STOX2: variants seen among roughly 807,000 people sequenced by gnomAD.
The protein encoded by STOX2 is storkhead box 2, also known as storkhead-box protein 2.
Under a neutral mutation model 60.9 loss-of-function variants are expected in STOX2, and 28 were observed. That is an observed-to-expected ratio of 0.46 (90% CI 0.34 to 0.63). The LOEUF is 0.63. Ranked by LOEUF, STOX2 falls within the 30% of genes least tolerant of loss-of-function variation. The pLI, the probability that STOX2 is intolerant of heterozygous loss-of-function variation, is 0.01. For synonymous variants in STOX2, 472 were observed against 463.9 expected, an observed-to-expected ratio of 1.02 and a Z score of -0.22; for missense variants, 1,024 against 1,187.7, an observed-to-expected ratio of 0.86 and a Z score of 2.03.
rs1734632090 is a variant in STOX2 at position 184,022,602 on chromosome 4, G to A, written c.*5318G>A. ...AGTCAGGCAGCGATGATTCTGGAAG[G>A]TTGGAAATGTAAGGTTAGAAGCTTG... On this transcript the variant is annotated 3_prime_UTR_variant, in exon 4 of 4. Coordinates refer to ENST00000308497, the MANE Select transcript of STOX2 (RefSeq NM_020225.3). 1 of 152,116 alleles carries A rather than the reference G, an allele frequency of 6.6e-6. No individual in the cohort carries two copies. The allele number at this position is 152,116 out of a possible 1,614,324, so 9.4% of individuals were successfully genotyped here. A position where few individuals can be genotyped will look rare whatever the true frequency, so the allele number is the denominator to read the frequency against.
intron 1 of STOX2, among the ~76,000 whole-genome samples, chr4:183,909,036 G>A (rs1741703916): frequency 6.6e-6 from 1 of 152,162 alleles, no homozygotes; most frequent in African/African-American, 2.4e-5. Flanking sequence ...GCTAATACAT[G>A]GAATAAGAAG....
At chr4:183,824,927 A>T (rs1026633768) in intron 1 of STOX2, among the ~76,000 whole-genome samples, 1 of 152,186 alleles carries the variant, frequency 6.6e-6, no homozygotes, top group Non-Finnish European at 1.5e-5. Context: ...ATAGAGTTCA[A>T]TTGTGACCCT....
chr4:183,981,413 A>T (rs1732654470), intron 1 of STOX2, among the ~76,000 whole-genome samples: 1 of 151,646 alleles, frequency 6.6e-6, no homozygotes, highest in Non-Finnish European at 1.5e-5. Context: ...TTTAAATACT[A>T]GATACGAGAT....
intron 1 of STOX2, among the ~76,000 whole-genome samples, chr4:183,807,666 C>A (rs910335720): frequency 3.9e-5 from 6 of 152,164 alleles, no homozygotes; most frequent in Non-Finnish European, 7.4e-5. Context: ...TGTTTGGCAG[C>A]CCTGGTGGGT....
chr4:183,945,967 C>T (rs565720436), intron 1 of STOX2, among the ~76,000 whole-genome samples: 10 of 152,230 alleles, frequency 6.6e-5, no homozygotes, highest in Admixed American at 1.3e-4. Context: ...GAATGTAGTC[C>T]GTAGCTCCCT....
chr4:183,874,700 G>A (rs1740772232), intron 1 of STOX2, among the ~76,000 whole-genome samples: 1 of 151,276 alleles, frequency 6.6e-6, no homozygotes, highest in South Asian at 2.1e-4. Flanking sequence ...GCCGAGGCGG[G>A]CGGATCACGA....
intron 2 of STOX2, among the ~76,000 whole-genome samples, chr4:184,004,879 G>T (rs1312818503): frequency 6.6e-6 from 1 of 152,166 alleles, no homozygotes; most frequent in Non-Finnish European, 1.5e-5. Flanking sequence ...GAATCTTTCT[G>T]GGAGGAAGAC....
chr4:183,948,930 G>A (rs1168437363), intron 1 of STOX2, among the ~76,000 whole-genome samples: 2 of 152,098 alleles, frequency 1.3e-5, no homozygotes, highest in African/African-American at 4.8e-5. Context: ...ATACTTAGAG[G>A]GTGCTCGGCA....
intron 1 of STOX2, among the ~76,000 whole-genome samples, chr4:183,855,481 T>C (rs1006835472): frequency 2.6e-5 from 4 of 152,184 alleles, no homozygotes; most frequent in South Asian, 2.1e-4. Context: ...CATTTCCACA[T>C]GTTCACTTCC....
chr4:183,939,094 G>T (rs777570871), intron 1 of STOX2, among the ~76,000 whole-genome samples: 3 of 152,190 alleles, frequency 2.0e-5, no homozygotes, highest in Non-Finnish European at 4.4e-5. Flanking sequence ...AGGTAATTTG[G>T]ATGTTTAAGT....
chr4:183,855,337 AT>A (rs1476412355), intron 1 of STOX2, among the ~76,000 whole-genome samples: 2 of 152,168 alleles, frequency 1.3e-5, no homozygotes, highest in Admixed American at 1.3e-4. Context: ...CTTTTAGTTC[AT>A]AGGCTCGTCT....
chr4:183,965,745 C>T (rs564388571), intron 1 of STOX2, among the ~76,000 whole-genome samples: 4 of 151,794 alleles, frequency 2.6e-5, no homozygotes, highest in East Asian at 1.9e-4. Flanking sequence ...TTGTGGGGGG[C>T]GGTTTCCAGT....
At chr4:183,974,872 C>T (rs934442759) in intron 1 of STOX2, among the ~76,000 whole-genome samples, 1 of 152,100 alleles carries the variant, frequency 6.6e-6, no homozygotes, top group Non-Finnish European at 1.5e-5. Flanking sequence ...AAGTGTTCCT[C>T]CCTCAAATAG....
chr4:183,807,119 A>T lies in STOX2; in HGVS notation c.364+9064A>T, dbSNP rs7688208. On this transcript the variant is annotated intron_variant, in intron 1 of 2. Transcript: ENST00000513034. The stretch of plus-strand genomic sequence containing the variant: ...TCCCGAGTAGCTGGGACTGCAGGCG[A>T]CCACCACCACGCCCAGCTAATTTTT... Among the ~76,000 whole-genome samples, 4 of 151,884 alleles carry T rather than the reference A, an allele frequency of 2.6e-5. No homozygotes were observed. The East Asian group carries it at 5.8e-4, about 22-fold the overall frequency.
At chr4:183,845,111 T>G (rs1244627831) in intron 1 of STOX2, among the ~76,000 whole-genome samples, 3 of 152,116 alleles carry the variant, frequency 2.0e-5, no homozygotes, top group Non-Finnish European at 4.4e-5. Context: ...AAAGGAGAGA[T>G]AAGAAATGTC....
intron 2 of STOX2, among the ~76,000 whole-genome samples, chr4:184,002,186 C>T (rs1733620300): frequency 6.6e-6 from 1 of 152,168 alleles, no homozygotes; most frequent in Non-Finnish European, 1.5e-5. Context: ...GAAATCTCTG[C>T]ATTTCCTTAA....
chr4:183,986,673 C>T (rs1240033252), intron 1 of STOX2, among the ~76,000 whole-genome samples: 2 of 152,220 alleles, frequency 1.3e-5, no homozygotes, highest in South Asian at 2.1e-4. Context: ...TGGGTGATGG[C>T]GCAGAAGCGG....
chr4:183,992,202 A>G lies in STOX2; in HGVS notation c.167-9123A>G, dbSNP rs375864895. 2.5e-4 allele frequency among the ~76,000 whole-genome samples: 38 copies of G among 152,308 alleles called. No individual in the cohort carries two copies. In the South Asian group the frequency reaches 7.7e-3, roughly 31 times the overall value. On this transcript the variant is annotated intron_variant, in intron 1 of 3. Coordinates refer to ENST00000308497, the MANE Select transcript of STOX2 (RefSeq NM_020225.3). ...CAGTCAATCGGTACAATTTTGTTGT[A>G]ATTTGGGAACTGTCAACCTGTCCAT...
chr4:183,826,684 T>A (rs916653910), intron 1 of STOX2, among the ~76,000 whole-genome samples: 4 of 152,258 alleles, frequency 2.6e-5, no homozygotes, highest in Non-Finnish European at 4.4e-5. Flanking sequence ...GACCGTGGAA[T>A]CTGCCCCGCA....
Sources: gnomAD v4.1 joint callset for allele counts (sites outside exome capture counted in the v4.1 genomes callset) on GRCh38, gnomAD v4.1.1 for gene constraint, MANE v1.5 for transcripts, NCBI Gene and HGNC (gene_info 2026-07-23, HGNC 2026-07-21) for gene names.